CLYBL: variants seen among roughly 807,000 people sequenced by gnomAD.
CLYBL encodes citramalyl-CoA lyase.
A neutral mutation model predicts 38.9 loss-of-function variants in CLYBL; 31 were observed. That is an observed-to-expected ratio of 0.80 (90% CI 0.60 to 1.08). The LOEUF is 1.08. CLYBL is among the 50% of genes least tolerant of loss of function. CLYBL has a pLI of 0.00. For synonymous variants in CLYBL, 171 were observed against 158.6 expected, an observed-to-expected ratio of 1.08 and a Z score of -0.59; for missense variants, 434 against 411.6, an observed-to-expected ratio of 1.05 and a Z score of -0.47.
At chr13:99,854,841 G>A (rs183092025) in intron 2 of CLYBL, among the ~76,000 whole-genome samples, 10 of 152,220 alleles carry the variant, frequency 6.6e-5, no homozygotes, top group East Asian at 5.8e-4. Context: ...ATCATAGCAC[G>A]CCTTGGTTCC....
chr13:99,672,181 C>T (rs1049105872), intron 1 of CLYBL, among the ~76,000 whole-genome samples: 11 of 149,356 alleles, frequency 7.4e-5, no homozygotes, highest in Middle Eastern at 3.6e-3. Flanking sequence ...ATCTTTTCTT[C>T]GGGAATTTCT....
rs1242451211 is a variant in CLYBL, at chr13:99,668,430, C to T, written c.62+61673C>T. Among the ~76,000 whole-genome samples, 7 of 151,748 alleles carry T rather than the reference C, an allele frequency of 4.6e-5. 1 individual carries two copies. Among genetic ancestry groups the T allele is most frequent in the Admixed American group, 2.0e-4 (3 of 15,238 alleles). On this transcript the variant is annotated intron_variant, in intron 1 of 8. Transcript: ENST00000339105. ...TGAAACCCCATCTCTATTAAAAATA[C>T]GAAAATTAGCTGGGTGAGATGGCAG... is the stretch of plus-strand genomic sequence containing the variant.
chr13:99,905,542 C>T (rs1357954584), intron 9 of CLYBL, among the ~76,000 whole-genome samples: 1 of 152,178 alleles, frequency 6.6e-6, no homozygotes, highest in African/African-American at 2.4e-5. Flanking sequence ...CACCCTCCCC[C>T]ACCTCCATTC....
chr13:99,836,556 A>G (rs185301605), intron 2 of CLYBL, among the ~76,000 whole-genome samples: 27 of 152,332 alleles, frequency 1.8e-4, no homozygotes, highest in African/African-American at 6.0e-4. Flanking sequence ...TCAGAGGACA[A>G]AGTCCCAGTT....
At chr13:99,672,084 C>G (rs1379312096) in intron 1 of CLYBL, among the ~76,000 whole-genome samples, 2 of 152,122 alleles carry the variant, frequency 1.3e-5, no homozygotes, top group Admixed American at 6.5e-5. Flanking sequence ...TTATACAGAG[C>G]TGTATTGTTA....
At chr13:99,825,740 G>A (rs535654887) in intron 2 of CLYBL, among the ~76,000 whole-genome samples, 60 of 152,200 alleles carry the variant, frequency 3.9e-4, no homozygotes, top group Non-Finnish European at 7.2e-4. Context: ...GAGGGAGAAC[G>A]TGTGTCAGGA....
chr13:99,895,099 A>G (rs1436435965), downstream of CLYBL: 1 of 152,116 alleles, frequency 6.6e-6, no homozygotes, highest in African/African-American at 2.4e-5. Context: ...AGAACAAACC[A>G]TGTCGTTTTC....
At chr13:99,723,114 C>T (rs74462961) in intron 1 of CLYBL, among the ~76,000 whole-genome samples, 388 of 152,336 alleles carry the variant, frequency 2.5e-3, no homozygotes, top group African/African-American at 8.9e-3. Flanking sequence ...GGCTCTTGTG[C>T]AGGGCTGCAC....
intron 1 of CLYBL, among the ~76,000 whole-genome samples, chr13:99,642,332 G>A (rs573884768): frequency 7.9e-5 from 12 of 152,322 alleles, no homozygotes; most frequent in African/African-American, 2.6e-4. Flanking sequence ...GAGGGCTGGC[G>A]GTGGTCTTGG....
chr13:99,673,669 C>T (rs1566605957), intron 1 of CLYBL, among the ~76,000 whole-genome samples: 1 of 152,088 alleles, frequency 6.6e-6, no homozygotes, highest in Admixed American at 6.6e-5. Context: ...GAGGTGAGAC[C>T]AGAGGGGGAA....
At chr13:99,709,910 TTTTTC>T (rs1199913596) in intron 1 of CLYBL, among the ~76,000 whole-genome samples, 1 of 146,270 alleles carries the variant, frequency 6.8e-6, no homozygotes, top group South Asian at 2.1e-4. Flanking sequence ...ACCTTTTTTT[TTTTTC>T]TTTCTTTCTT....
At chr13:99,780,634 C>T (rs1178972453) in intron 2 of CLYBL, among the ~76,000 whole-genome samples, 4 of 151,906 alleles carry the variant, frequency 2.6e-5, no homozygotes, top group African/African-American at 9.7e-5. Flanking sequence ...TCTCGGCCTC[C>T]CAAAGTGCTG....
intron 7 of CLYBL, among the ~76,000 whole-genome samples, chr13:99,889,941 C>T (rs2052445508): frequency 6.6e-6 from 1 of 152,126 alleles, no homozygotes; most frequent in Non-Finnish European, 1.5e-5. Context: ...CCCAGCCACC[C>T]CCAGATCTCG....
At chr13:99,877,704 G>A (rs1185854506) in intron 7 of CLYBL, 2 of 295,784 alleles carry the variant, frequency 6.8e-6, no homozygotes, top group Non-Finnish European at 1.3e-5. Context: ...AGCCTCCTGA[G>A]TAGCTAGGAT....
chr13:99,871,304 T>C (rs1423304643), intron 7 of CLYBL, among the ~76,000 whole-genome samples: 5 of 152,314 alleles, frequency 3.3e-5, no homozygotes, highest in African/African-American at 9.6e-5. Flanking sequence ...ATAAAATATA[T>C]TGGCAGCCTT....
At chr13:99,856,482 A>C (rs754432634) in intron 2 of CLYBL, among the ~76,000 whole-genome samples, 4 of 152,216 alleles carry the variant, frequency 2.6e-5, no homozygotes, top group Non-Finnish European at 4.4e-5. Flanking sequence ...TTAGCTATTA[A>C]AAGGGAACCT....
At chr13:99,900,490 T>C (rs1205711259), downstream of CLYBL, among the ~76,000 whole-genome samples, 3 of 152,030 alleles carry the variant, frequency 2.0e-5, no homozygotes, top group African/African-American at 7.2e-5. Context: ...TGCAGACCCT[T>C]AAGGGCTGGA....
chr13:99,906,573 G>A (rs868119925), intron 9 of CLYBL, among the ~76,000 whole-genome samples: 55 of 152,112 alleles, frequency 3.6e-4, no homozygotes, highest in African/African-American at 1.1e-3. Flanking sequence ...ACAGGTGCCT[G>A]CCACCACACC....
At chr13:99,875,766 A>G (rs779520172) in intron 7 of CLYBL, among the ~76,000 whole-genome samples, 1 of 152,190 alleles carries the variant, frequency 6.6e-6, no homozygotes, top group African/African-American at 2.4e-5. Context: ...CTCTGGATTT[A>G]TGAGCAGGAA....
Sources: gnomAD v4.1 joint callset for allele counts (sites outside exome capture counted in the v4.1 genomes callset) on GRCh38, gnomAD v4.1.1 for gene constraint, MANE v1.5 for transcripts, NCBI Gene and HGNC (gene_info 2026-07-23, HGNC 2026-07-21) for gene names.